AOAH: variants seen among roughly 807,000 people sequenced by gnomAD.
AOAH encodes the protein acyloxyacyl hydrolase.
In AOAH, 64 loss-of-function variants were observed where a neutral mutation model predicts 92.2. The ratio of observed to expected loss-of-function variants is 0.69; its 90% CI spans 0.57 to 0.86. AOAH has a LOEUF of 0.86. AOAH is among the 40% of genes least tolerant of loss of function. The probability of loss-of-function intolerance (pLI) is 0.00; values close to 1 mark genes in which losing one functional copy is unlikely to be tolerated. For synonymous variants in AOAH, 263 were observed against 254.5 expected (o/e 1.03, Z -0.32); for missense variants, 656 against 694.6 (o/e 0.94, Z 0.62).
intron 1 of AOAH, among the ~76,000 whole-genome samples, chr7:36,706,739 T>A (rs555329619): frequency 6.6e-6 from 1 of 152,332 alleles, no homozygotes; most frequent in East Asian, 1.9e-4. Context: ...AGCTTCTACA[T>A]CAGCATGTGT....
chr7:36,659,794 T>C (rs1795104501), intron 3 of AOAH, among the ~76,000 whole-genome samples: 2 of 151,018 alleles, frequency 1.3e-5, no homozygotes, highest in African/African-American at 4.9e-5. Flanking sequence ...GTCAGAGTTT[T>C]GTCAGGCCTC....
intron 11 of AOAH, among the ~76,000 whole-genome samples, chr7:36,613,987 G>C (rs1024681324): frequency 1.3e-5 from 2 of 152,210 alleles, no homozygotes; most frequent in Non-Finnish European, 2.9e-5. Flanking sequence ...TTCAACCAGA[G>C]ACTGTTTGAG....
chr7:36,693,401 C>T (rs1311108136), intron 1 of AOAH, among the ~76,000 whole-genome samples: 2 of 152,162 alleles, frequency 1.3e-5, no homozygotes, highest in Admixed American at 1.3e-4. Context: ...AAAAATGAGA[C>T]TTTAATCTTA....
At chr7:36,552,195 C>T (rs996950139) in intron 13 of AOAH, among the ~76,000 whole-genome samples, 1 of 152,192 alleles carries the variant, frequency 6.6e-6, no homozygotes, top group African/African-American at 2.4e-5. Context: ...TGTTGTTCCC[C>T]TTCATGTGTC....
intron 20 of AOAH, among the ~76,000 whole-genome samples, chr7:36,521,743 C>T (rs1381667799): frequency 6.6e-6 from 1 of 151,844 alleles, no homozygotes; most frequent in Non-Finnish European, 1.5e-5. Flanking sequence ...GCTTACTGCC[C>T]CTTTTAGCAT....
At position 36,679,342 on chromosome 7, in the gene AOAH, G is replaced by T. The variant is rs186306412; in HGVS notation, c.224-5333C>A. Among the ~76,000 whole-genome samples the T allele has an allele frequency of 2.8e-3, 420 of 148,556 alleles. 4 individuals carry two copies. The highest frequency in any genetic ancestry group is 0.023 in the East Asian group (119 of 5,102). ...AAGTATTGAGGCCTCAAAAAAAAAA[G>T]AATCTTTTGAGGGGGTAATTATTTT... On this transcript the variant is annotated intron_variant, in intron 2 of 20. Transcript: ENST00000617537.
At position 36,548,601 on chromosome 7, in the gene AOAH, CAAT is replaced by C. The variant is rs1370724860; in HGVS notation, c.1133+8_1133+10del. 6.2e-7 allele frequency: 1 copy of C among 1,611,446 alleles called. No individual in the cohort carries two copies. The highest frequency in any genetic ancestry group is 8.5e-7 in the Non-Finnish European group (1 of 1,177,856). On this transcript the variant is annotated splice_region_variant and intron_variant, in intron 15 of 20. Transcript: ENST00000617537. ...AAAGAATCTTGAAAATACTTTTTCT[CAAT>C]AACTCACCCACTGCAGACATCATTT...
intron 1 of AOAH, among the ~76,000 whole-genome samples, chr7:36,694,129 A>AT (rs1475190416): frequency 3.3e-5 from 5 of 152,136 alleles, no homozygotes; most frequent in African/African-American, 9.7e-5. Context: ...TTACTTTCTC[A>AT]TTTTTTTGTG....
intron 4 of AOAH, among the ~76,000 whole-genome samples, chr7:36,638,517 C>T (rs998539371): frequency 6.7e-6 from 1 of 150,070 alleles, no homozygotes; most frequent in Non-Finnish European, 1.5e-5. Context: ...AAAGAGTTAG[C>T]TCATTACTAC....
At chr7:36,660,751 T>A (rs1482414314) in intron 3 of AOAH, among the ~76,000 whole-genome samples, 2 of 152,198 alleles carry the variant, frequency 1.3e-5, no homozygotes, top group Non-Finnish European at 2.9e-5. Context: ...CCATGTTCAT[T>A]TTTTCTTTCC....
intron 11 of AOAH, among the ~76,000 whole-genome samples, chr7:36,611,428 T>C (rs899356531): frequency 6.6e-6 from 1 of 152,180 alleles, no homozygotes; most frequent in African/African-American, 2.4e-5. Flanking sequence ...TACCAACAAA[T>C]GCTGTTCGAC....
chr7:36,692,134 C>A lies in AOAH; in HGVS notation c.128-5340G>T, dbSNP rs139048909. Among the ~76,000 whole-genome samples the A allele has an allele frequency of 2.2e-3, 338 of 152,306 alleles. 3 individuals are homozygous for A. Among genetic ancestry groups the A allele is most frequent in the African/African-American group, 7.9e-3 (328 of 41,566 alleles). On this transcript the variant is annotated intron_variant, in intron 1 of 20. Transcript: ENST00000617537. ...GGGGTGGTTTGTAATACAGCAAAGG[C>A]TATCTGTACATCTGGCAAAAGTGTC...
At position 36,577,597 on chromosome 7, in the gene AOAH, T is replaced by TTA. The variant is rs1001095109; in HGVS notation, c.939-943_939-942dup. On this transcript the variant is annotated intron_variant, in intron 12 of 20. Coordinates refer to ENST00000617537, the MANE Select transcript of AOAH (RefSeq NM_001637.4). ...ATTTGACACCAGTATCAGGCTATAA[T>TTA]TATATATATTTTAACTCATTTTCTT... 2.8e-4 allele frequency among the ~76,000 whole-genome samples: 43 copies of TTA among 152,310 alleles called. 2 individuals are homozygous for TTA. Among genetic ancestry groups the TTA allele is most frequent in the African/African-American group, 8.2e-4 (34 of 41,574 alleles).
intron 5 of AOAH, among the ~76,000 whole-genome samples, chr7:36,637,098 G>A (rs1171443860): frequency 1.3e-5 from 2 of 152,070 alleles, no homozygotes; most frequent in Non-Finnish European, 2.9e-5. Context: ...TTGCAACCAG[G>A]GCCTAAGTCA....
intron 2 of AOAH, among the ~76,000 whole-genome samples, chr7:36,684,810 G>A (rs183181695): frequency 6.9e-6 from 1 of 143,960 alleles, no homozygotes; most frequent in African/African-American, 2.6e-5. Flanking sequence ...TGTAGTCTTA[G>A]ATCCTTGGGA....
chr7:36,717,989 G>A (rs968633695), intron 1 of AOAH, among the ~76,000 whole-genome samples: 4 of 151,996 alleles, frequency 2.6e-5, no homozygotes, highest in African/African-American at 7.3e-5. Flanking sequence ...AATTTTGTTC[G>A]TGAAAGGACA....
chr7:36,538,477 G>A (rs1487601270), intron 16 of AOAH, among the ~76,000 whole-genome samples: 1 of 152,132 alleles, frequency 6.6e-6, no homozygotes, highest in East Asian at 1.9e-4. Context: ...ATTTATGGAG[G>A]TGGCGTAACC....
chr7:36,699,100 C>A (rs910089213), intron 1 of AOAH, among the ~76,000 whole-genome samples: 3 of 152,030 alleles, frequency 2.0e-5, no homozygotes, highest in Non-Finnish European at 4.4e-5. Context: ...ATATAGGAAC[C>A]TCCAGTTACA....
chr7:36,714,205 G>A (rs1237599888), intron 1 of AOAH, among the ~76,000 whole-genome samples: 7 of 152,232 alleles, frequency 4.6e-5, no homozygotes, highest in South Asian at 2.1e-4. Flanking sequence ...ACACCTCTAC[G>A]CAAATAAACT....
Sources: gnomAD v4.1 joint callset for allele counts (sites outside exome capture counted in the v4.1 genomes callset) on GRCh38, gnomAD v4.1.1 for gene constraint, MANE v1.5 for transcripts, NCBI Gene and HGNC (gene_info 2026-07-23, HGNC 2026-07-21) for gene names.